The following NSUN3 variants were observed in gnomAD, a reference collection of about 807,000 sequenced individuals.
NSUN3 encodes tRNA (cytosine(34)-C(5))-methyltransferase, mitochondrial.
NSUN3 carries 24 observed loss-of-function variants against 36.8 expected under a neutral mutation model. The observed-to-expected ratio is 0.65, with a 90% CI of 0.47 to 0.92. The LOEUF is 0.92. NSUN3 is among the 40% of genes least tolerant of loss of function. NSUN3 has a pLI of 0.00. For synonymous variants in NSUN3, 146 were observed against 145.2 expected (o/e 1.01, Z -0.04); for missense variants, 381 against 392.8 (o/e 0.97, Z 0.25).
chr3:94,123,549 A>G (rs2077472851), intron 5 of NSUN3, among the ~76,000 whole-genome samples: 1 of 152,154 alleles, frequency 6.6e-6, no homozygotes, highest in Admixed American at 6.5e-5. Context: ...CAAAAATTTA[A>G]CAATGATGGA....
At chr3:94,070,566 C>G (rs777600505) in intron 2 of NSUN3, among the ~76,000 whole-genome samples, 5 of 152,068 alleles carry the variant, frequency 3.3e-5, no homozygotes, top group Admixed American at 6.5e-5. Context: ...GGCAAGTGAC[C>G]GCAGTCAGTT....
rs2077245234 is a variant in NSUN3, at chr3:94,076,250, A to G, written c.123-7857A>G. On this transcript the variant is annotated intron_variant, in intron 2 of 5. Transcript: ENST00000314622. The stretch of plus-strand genomic sequence containing the variant: ...TATTTCATCCATGTGACTCAGAGGA[A>G]TGCAACATAAGTTTCAGATTTCTCA... The G allele has an allele frequency of 9.9e-6, 9 of 913,596 alleles. No individual in the cohort carries two copies. The African/African-American group carries it at 1.3e-4, about 13-fold the overall frequency. 56.6% of individuals were successfully genotyped at this position (913,596 alleles called of 1,614,324 possible).
At chr3:94,123,094 A>C (rs1268164797) in intron 5 of NSUN3, among the ~76,000 whole-genome samples, 1 of 152,182 alleles carries the variant, frequency 6.6e-6, no homozygotes, top group Admixed American at 6.5e-5. Flanking sequence ...ATGTATACCA[A>C]ATCTTCAAGT....
rs749465351 is a variant in NSUN3, at chr3:94,114,676, G to A, written c.744-11535G>A. 7.2e-5 allele frequency among the ~76,000 whole-genome samples: 11 copies of A among 152,226 alleles called. 3 individuals are homozygous for A. The highest frequency in any genetic ancestry group is 5.2e-4 in the Admixed American group (8 of 15,286). On this transcript the variant is annotated intron_variant, in intron 5 of 5. Coordinates refer to ENST00000314622, the MANE Select transcript of NSUN3 (RefSeq NM_022072.5). ...CAGGTTTGTTACACGGATGTGTTGC[G>A]TGATGCCGAGGTTTGGGATACGATT...
intron 3 of NSUN3, among the ~76,000 whole-genome samples, chr3:94,091,172 A>T (rs775503330): frequency 5.3e-5 from 8 of 152,200 alleles, no homozygotes; most frequent in Non-Finnish European, 5.9e-5. Flanking sequence ...CACTGAAAAT[A>T]AAGAGAAGAC....
At chr3:94,072,955 C>T (rs561986766) in intron 2 of NSUN3, among the ~76,000 whole-genome samples, 30 of 152,230 alleles carry the variant, frequency 2.0e-4, no homozygotes, top group Middle Eastern at 6.8e-3. Flanking sequence ...TGTCCCCCAG[C>T]CCCTCACCAC....
At chr3:94,109,243 G>A (rs2077405419) in intron 5 of NSUN3, among the ~76,000 whole-genome samples, 1 of 152,098 alleles carries the variant, frequency 6.6e-6, no homozygotes, top group Non-Finnish European at 1.5e-5. Flanking sequence ...TGATTTTTGT[G>A]GCAATTTGTG....
intron 2 of NSUN3, among the ~76,000 whole-genome samples, chr3:94,075,086 G>A (rs1251012250): frequency 6.6e-6 from 1 of 151,954 alleles, no homozygotes; most frequent in Admixed American, 6.6e-5. Context: ...CATTGGGTCT[G>A]TTTATGTGAT....
intron 5 of NSUN3, among the ~76,000 whole-genome samples, chr3:94,116,518 A>G (rs1474855939): frequency 2.6e-5 from 4 of 152,214 alleles, no homozygotes; most frequent in Non-Finnish European, 4.4e-5. Flanking sequence ...TAGACTGCTT[A>G]TCAGTAGATT....
At chr3:94,094,372 C>A in intron 4 of NSUN3, 78 bp downstream of exon 4, 2 of 1,402,052 alleles carry the variant, frequency 1.4e-6, no homozygotes, top group Non-Finnish European at 2.0e-6. Flanking sequence ...TGTTATTTTC[C>A]ATCTGTTCTC....
intron 5 of NSUN3, among the ~76,000 whole-genome samples, chr3:94,125,135 A>T (rs955320629): frequency 6.6e-6 from 1 of 152,144 alleles, no homozygotes; most frequent in South Asian, 2.1e-4. Flanking sequence ...TGGATATTGT[A>T]TCTTTGCTGA....
intron 2 of NSUN3, among the ~76,000 whole-genome samples, 155 bp from the exon 3 acceptor site, chr3:94,083,952 G>A (rs1198723406): frequency 6.6e-6 from 1 of 152,146 alleles, no homozygotes; most frequent in Non-Finnish European, 1.5e-5. Context: ...AGGCTCATGA[G>A]GCAAAAGGAA....
chr3:94,108,162 T>C (rs2077398854), intron 5 of NSUN3, among the ~76,000 whole-genome samples: 1 of 152,062 alleles, frequency 6.6e-6, no homozygotes, highest in African/African-American at 2.4e-5. Flanking sequence ...GTGTGCTCTT[T>C]ATAGAGATTC....
chr3:94,110,059 A>T (rs1397223382), intron 5 of NSUN3, among the ~76,000 whole-genome samples: 1 of 152,178 alleles, frequency 6.6e-6, no homozygotes, highest in African/African-American at 2.4e-5. Flanking sequence ...TGTGTGTCTC[A>T]AAAGTTTGCT....
chr3:94,088,077 C>T (rs1258150849), intron 3 of NSUN3, among the ~76,000 whole-genome samples: 1 of 152,142 alleles, frequency 6.6e-6, no homozygotes, highest in Non-Finnish European at 1.5e-5. Context: ...CCTTTTTGCA[C>T]ATTCTACAGG....
At position 94,064,564 on chromosome 3, in the gene NSUN3, C is replaced by T. The variant is rs1278587510; in HGVS notation, c.122+18C>T. The T allele has an allele frequency of 1.4e-6, 2 of 1,414,632 alleles. No individual in the cohort carries two copies. The highest frequency in any genetic ancestry group is 1.4e-5 in the African/African-American group (1 of 70,964). 87.6% of individuals were successfully genotyped at this position (1,414,632 alleles called of 1,614,324 possible). A position where few individuals can be genotyped will look rare whatever the true frequency, so the allele number is the denominator to read the frequency against. ...ACAGTAAGGTTAGTATAATTCATCT[C>T]GATGCTTTATGATGGAACAAAGTAC... On this transcript the variant is annotated intron_variant, in intron 2 of 5. Coordinates refer to ENST00000314622, the MANE Select transcript of NSUN3 (RefSeq NM_022072.5).
intron 5 of NSUN3, among the ~76,000 whole-genome samples, chr3:94,107,974 CT>C (rs11437686): frequency 0.012 from 1,371 of 114,426 alleles, 15 homozygotes; most frequent in African/African-American, 0.036. Context: ...TTTTTTTTTC[CT>C]TTTTTTTTTT....
intron 2 of NSUN3, among the ~76,000 whole-genome samples, chr3:94,069,502 G>T (rs926012535): frequency 6.6e-6 from 1 of 152,222 alleles, no homozygotes; most frequent in South Asian, 2.1e-4. Flanking sequence ...AATCTACAGG[G>T]TTATATTAAT....
intron 5 of NSUN3, among the ~76,000 whole-genome samples, chr3:94,119,531 C>T (rs2077453217): frequency 6.6e-6 from 1 of 152,148 alleles, no homozygotes; most frequent in African/African-American, 2.4e-5. Context: ...GTAATGCCTG[C>T]TCACCCACCA....
Sources: allele counts gnomAD v4.1 joint callset (sites outside exome capture counted in the v4.1 genomes callset), GRCh38; gene constraint gnomAD v4.1.1; transcripts MANE v1.5; gene names NCBI Gene and HGNC (gene_info 2026-07-23, HGNC 2026-07-21).